Variants in ZMYND11 observed in about 807,000 individuals in gnomAD.
ZMYND11 encodes zinc finger MYND-type containing 11, also known as zinc finger MYND domain-containing protein 11.
A neutral mutation model predicts 84.9 loss-of-function variants in ZMYND11; 9 were observed. That is an observed-to-expected ratio of 0.11 (90% CI 0.06 to 0.18). The LOEUF (loss-of-function observed/expected upper bound fraction) is 0.18, where lower values mean the gene tolerates loss of function less well. Among genes scored for constraint, ZMYND11 ranks in the 10% least tolerant of loss-of-function variants. ZMYND11 has a pLI of 1.00. For synonymous variants in ZMYND11, 250 were observed against 244.1 expected, an observed-to-expected ratio of 1.02 and a Z score of -0.23; for missense variants, 409 against 761.0, an observed-to-expected ratio of 0.54 and a Z score of 5.44.
chr10:222,082 C>G (rs930307743), intron 4 of ZMYND11, among the ~76,000 whole-genome samples: 3 of 152,240 alleles, frequency 2.0e-5, no homozygotes, highest in African/African-American at 7.2e-5. Flanking sequence ...ATTGCAACCT[C>G]TATTATTTTA....
intron 14 of ZMYND11, among the ~76,000 whole-genome samples, chr10:251,131 T>C (rs1268081044): frequency 6.6e-6 from 1 of 152,194 alleles, no homozygotes; most frequent in African/African-American, 2.4e-5. Flanking sequence ...GAATAATGGA[T>C]GTCACGAGAA....
intron 1 of ZMYND11, among the ~76,000 whole-genome samples, chr10:140,537 T>C (rs1449492640): frequency 6.6e-6 from 1 of 152,212 alleles, no homozygotes; most frequent in African/African-American, 2.4e-5. Context: ...AGGAGAGAAA[T>C]TTGGCAAATT....
intron 3 of ZMYND11, among the ~76,000 whole-genome samples, chr10:217,483 G>A (rs901024156): frequency 3.4e-5 from 5 of 149,026 alleles, no homozygotes; most frequent in African/African-American, 5.0e-5. Flanking sequence ...AGATTTCGCC[G>A]TTGCACTCCA....
chr10:238,057 A>T (rs1950267522), intron 6 of ZMYND11, among the ~76,000 whole-genome samples: 1 of 152,236 alleles, frequency 6.6e-6, no homozygotes, highest in Non-Finnish European at 1.5e-5. Context: ...AAAGTAAAGC[A>T]TAGAACTGAT....
In ZMYND11 at chr10:239,420, G is replaced by A; in HGVS notation, c.610-18G>A. On this transcript the variant is annotated intron_variant, in intron 6 of 14. Transcript: ENST00000381604. ...TACTGGTAACTCTTTTCGTCATTCTGTTTTTTGCCCTCTGCAGAAAGTGAA... is the reference window on the plus strand; with the variant it reads ...TACTGGTAACTCTTTTCGTCATTCTATTTTTTGCCCTCTGCAGAAAGTGAA... 6.2e-7 allele frequency: 1 copy of A among 1,605,140 alleles called. No individual in the cohort carries two copies. The highest frequency in any genetic ancestry group is 8.5e-7 in the Non-Finnish European group (1 of 1,175,262).
chr10:140,788 A>G (rs887581036), intron 1 of ZMYND11, among the ~76,000 whole-genome samples: 1 of 152,232 alleles, frequency 6.6e-6, no homozygotes, highest in Non-Finnish European at 1.5e-5. Flanking sequence ...TAAGCTATTC[A>G]CACTATTAGG....
Position 209,897 on chromosome 10 carries a change from C to G in ZMYND11, c.125C>G (p.Ser42Cys), listed in dbSNP as rs1944885405. 3 of 1,613,106 alleles carry G rather than the reference C, an allele frequency of 1.9e-6. No individual in the cohort carries two copies. The highest frequency in any genetic ancestry group is 2.5e-6 in the Non-Finnish European group (3 of 1,179,592). ...TTTTCCTCTGTGTTCAGGTATATGTCTCGAGTCCACGGTATGCACCCTAAA... is the reference window on the plus strand; with the variant it reads ...TTTTCCTCTGTGTTCAGGTATATGTGTCGAGTCCACGGTATGCACCCTAAA... ...ANIDRITKYM[S>C]RVHGMHPKET... The change falls in exon 3 of 15, where the codon TCT (serine) becomes TGT (cysteine). Residue 42 changes from serine to cysteine, a missense_variant. Around this residue, in one of 7 missense-constraint regions of ZMYND11, gnomAD observed 73 missense variants for 185.8 expected, o/e 0.39. Transcript: ENST00000381604.
intron 3 of ZMYND11, among the ~76,000 whole-genome samples, chr10:217,086 T>C (rs1946305369): frequency 6.7e-6 from 1 of 149,974 alleles, no homozygotes; most frequent in Non-Finnish European, 1.5e-5. Context: ...TAAAAATTGC[T>C]TTTGGATTAT....
chr10:246,694 C>T, intron 10 of ZMYND11, 72 bp from the exon 11 acceptor site: 1 of 1,455,534 alleles, frequency 6.9e-7, no homozygotes, highest in East Asian at 2.4e-5. Flanking sequence ...GCAGGGTCCA[C>T]TGAAGCCCTC....
chr10:182,482 G>T (rs1281949696), intron 2 of ZMYND11, among the ~76,000 whole-genome samples: 1 of 149,754 alleles, frequency 6.7e-6, no homozygotes, highest in Non-Finnish European at 1.5e-5. Flanking sequence ...GATAGTCTTG[G>T]TTTTTATTAG....
chr10:152,855 A>C (rs1188456042), intron 1 of ZMYND11, among the ~76,000 whole-genome samples: 1 of 152,226 alleles, frequency 6.6e-6, no homozygotes, highest in Non-Finnish European at 1.5e-5. Context: ...AAATTATAAC[A>C]AACTGTCTCT....
intron 10 of ZMYND11, among the ~76,000 whole-genome samples, chr10:244,820 T>C (rs1331057622): frequency 6.6e-6 from 1 of 152,202 alleles, no homozygotes; most frequent in Non-Finnish European, 1.5e-5. Context: ...TAAAAAATTA[T>C]CTACAGTACT....
rs981863300 is a variant in ZMYND11 at position 189,713 on chromosome 10, C to G, written c.116+9585C>G. On this transcript the variant is annotated intron_variant, in intron 2 of 14. Coordinates refer to ENST00000381604, the MANE Select transcript of ZMYND11 (RefSeq NM_001370100.5). ...TGTCTAGCTGTTTTCATGTATTTCA[C>G]ATTTCTTTGCATGTCTATGAAGAAA... 2.6e-5 allele frequency among the ~76,000 whole-genome samples: 4 copies of G among 152,264 alleles called. No individual in the cohort carries two copies. The East Asian group carries it at 7.7e-4, about 29-fold the overall frequency.
In ZMYND11 at chr10:179,996, A is replaced by G. The variant is rs767896143; in HGVS notation, c.-17A>G. The G allele has an allele frequency of 6.3e-7, 1 of 1,587,478 alleles. No homozygotes were observed. Among genetic ancestry groups the G allele is most frequent in the Non-Finnish European group, 8.6e-7 (1 of 1,162,476 alleles). ...TATGTTTTTGTTTATTACTGCAGCTAAAGAAGTAAACAGGTCATGGCACGT... is the reference window on the plus strand; with the variant it reads ...TATGTTTTTGTTTATTACTGCAGCTGAAGAAGTAAACAGGTCATGGCACGT... On this transcript the variant is annotated splice_region_variant and 5_prime_UTR_variant, in exon 2 of 15. Coordinates refer to ENST00000381604, the MANE Select transcript of ZMYND11 (RefSeq NM_001370100.5).
At chr10:152,188 A>G (rs1347150297) in intron 1 of ZMYND11, among the ~76,000 whole-genome samples, 1 of 152,194 alleles carries the variant, frequency 6.6e-6, no homozygotes, top group Non-Finnish European at 1.5e-5. Flanking sequence ...TAACATCATA[A>G]TGACAGGATC....
intron 4 of ZMYND11, among the ~76,000 whole-genome samples, chr10:224,812 C>G (rs1201299172): frequency 6.6e-6 from 1 of 152,102 alleles, no homozygotes; most frequent in Non-Finnish European, 1.5e-5. Context: ...AGCAGGTGTT[C>G]ATCATTTCCA....
intron 4 of ZMYND11, among the ~76,000 whole-genome samples, chr10:224,218 C>T (rs948569943): frequency 6.6e-6 from 1 of 152,132 alleles, no homozygotes; most frequent in East Asian, 1.9e-4. Flanking sequence ...ACCTGTGTTA[C>T]CAGATTTAAT....
At chr10:173,615 C>A (rs902797811) in intron 1 of ZMYND11, among the ~76,000 whole-genome samples, 36 of 151,882 alleles carry the variant, frequency 2.4e-4, no homozygotes, top group African/African-American at 8.5e-4. Flanking sequence ...CCTAGCTACT[C>A]TAGAGTCTAA....
At chr10:167,985 A>C (rs4880517) in intron 1 of ZMYND11, among the ~76,000 whole-genome samples, 1 of 152,034 alleles carries the variant, frequency 6.6e-6, no homozygotes, top group South Asian at 2.1e-4. Context: ...AACTCTTGAT[A>C]CCCCCTGGCA....
Sources: gnomAD v4.1 joint callset for allele counts (sites outside exome capture counted in the v4.1 genomes callset) on GRCh38, gnomAD v4.1.1 for gene constraint, gnomAD v4.1.1 regional missense constraint, MANE v1.5 for transcripts, NCBI Gene and HGNC (gene_info 2026-07-23, HGNC 2026-07-21) for gene names.